Variants in KMT2C observed in about 807,000 individuals in gnomAD.
KMT2C encodes histone-lysine N-methyltransferase 2C.
In KMT2C, 88 loss-of-function variants were observed where a neutral mutation model predicts 507.9. The observed-to-expected ratio is 0.17, with a 90% CI of 0.15 to 0.21. The LOEUF (loss-of-function observed/expected upper bound fraction) is 0.21, where lower values mean the gene tolerates loss of function less well. Ranked by LOEUF, KMT2C falls within the 10% of genes least tolerant of loss-of-function variation. The pLI is 1.00. For missense variants in KMT2C, 4,954 were observed against 5,957.8 expected, an observed-to-expected ratio of 0.83 and a Z score of 5.55; for synonymous variants, 2,049 against 2,080.8, an observed-to-expected ratio of 0.98 and a Z score of 0.42.
At chr7:152,194,355 G>A (rs2129129378) in intron 29 of KMT2C, 85 bp downstream of exon 29, 4 of 1,438,716 alleles carry the variant, frequency 2.8e-6, no homozygotes, top group Middle Eastern at 1.8e-4. Flanking sequence ...ATAATTAGAA[G>A]TTAAATTATA....
chr7:152,182,778 G>C (rs968903356), intron 35 of KMT2C, among the ~76,000 whole-genome samples, 184 bp from the exon 36 acceptor site: 2 of 152,036 alleles, frequency 1.3e-5, no homozygotes, highest in African/African-American at 4.8e-5. Flanking sequence ...TTTGTGCCTA[G>C]GGCAGTATAT....
intron 1 of KMT2C, among the ~76,000 whole-genome samples, chr7:152,372,744 G>C (rs2097301753): frequency 6.6e-6 from 1 of 152,076 alleles, no homozygotes; most frequent in African/African-American, 2.4e-5. Context: ...ACTAAAGGGG[G>C]AAATAGCAAT....
intron 34 of KMT2C, 35 bp downstream of exon 34, chr7:152,185,523 A>C: frequency 1.3e-6 from 2 of 1,498,328 alleles, no homozygotes; most frequent in Non-Finnish European, 1.9e-6. Flanking sequence ...CACTGTATTT[A>C]AATATTTAAA....
chr7:152,374,267 G>C (rs1483275797), intron 1 of KMT2C, among the ~76,000 whole-genome samples: 1 of 151,926 alleles, frequency 6.6e-6, no homozygotes, highest in Non-Finnish European at 1.5e-5. Flanking sequence ...AGTGACCCGA[G>C]ATTGCACCAT....
intron 1 of KMT2C, among the ~76,000 whole-genome samples, chr7:152,392,694 A>C (rs2116559607): frequency 6.6e-6 from 1 of 152,366 alleles, no homozygotes; most frequent in South Asian, 2.1e-4. Flanking sequence ...CTGTACAATG[A>C]AGTGGTCTGG....
intron 55 of KMT2C, among the ~76,000 whole-genome samples, chr7:152,143,797 G>T (rs1037191957): frequency 5.3e-5 from 8 of 152,234 alleles, no homozygotes; most frequent in African/African-American, 1.9e-4. Flanking sequence ...AGGAGTAAAA[G>T]GGTTCCAACA....
chr7:152,395,361 C>A (rs563532219), intron 1 of KMT2C, among the ~76,000 whole-genome samples: 36 of 151,908 alleles, frequency 2.4e-4, no homozygotes, highest in Middle Eastern at 3.4e-3. Flanking sequence ...TCTTTCCCCC[C>A]CCCAGTTAGA....
At chr7:152,195,170 C>T (rs1056188784) in intron 28 of KMT2C, among the ~76,000 whole-genome samples, 4 of 152,068 alleles carry the variant, frequency 2.6e-5, no homozygotes, top group Non-Finnish European at 4.4e-5. Flanking sequence ...TTATCATCTA[C>T]ATTTTTTTCA....
At chr7:152,313,977 TTCAC>T (rs1470380706) in intron 4 of KMT2C, among the ~76,000 whole-genome samples, 1 of 152,148 alleles carries the variant, frequency 6.6e-6, no homozygotes, top group Non-Finnish European at 1.5e-5. Flanking sequence ...TACAGCCTGA[TTCAC>T]TCCATTAAAT....
intron 36 of KMT2C, among the ~76,000 whole-genome samples, 179 bp downstream of exon 36, chr7:152,180,532 C>G (rs1317621333): frequency 2.0e-5 from 3 of 152,114 alleles, no homozygotes; most frequent in South Asian, 2.1e-4. Context: ...AAATCAGATA[C>G]AGAATAAATT....
intron 21 of KMT2C, 34 bp downstream of exon 21, chr7:152,222,539 G>C (rs1419309862): frequency 9.1e-7 from 1 of 1,099,216 alleles, no homozygotes; most frequent in South Asian, 1.3e-5. Flanking sequence ...AGTGGTACAA[G>C]AGTGCAGACT....
Position 152,182,190 on chromosome 7 carries a change from T to C in KMT2C, c.5670A>G (p.Arg1890=). 6.2e-7 allele frequency: 1 copy of C among 1,613,982 alleles called. No individual in the cohort carries two copies. The highest frequency in any genetic ancestry group is 8.5e-7 in the Non-Finnish European group (1 of 1,180,002). The part of the protein sequence containing the change: ...QVFSPGSSNS[R]PPSPMDPYAK... ...CATATGGATCCATTGGAGATGGTGG[T>C]CGTGAGTTAGAGGACCCAGGTGAAA... Residue 1890 remains arginine, a synonymous_variant, in exon 36 of 59, where the codon CGA becomes CGG. Coordinates refer to ENST00000262189, the MANE Select transcript of KMT2C (RefSeq NM_170606.3).
intron 1 of KMT2C, among the ~76,000 whole-genome samples, chr7:152,394,090 G>A (rs1469681420): frequency 2.6e-5 from 4 of 152,220 alleles, no homozygotes; most frequent in Non-Finnish European, 5.9e-5. Flanking sequence ...AACATATGCA[G>A]AATTACTTCA....
At chr7:152,245,393 A>C (rs2129162146) in intron 14 of KMT2C, among the ~76,000 whole-genome samples, 1 of 152,344 alleles carries the variant, frequency 6.6e-6, no homozygotes, top group African/African-American at 2.4e-5. Flanking sequence ...TGATGTTTTA[A>C]GTATAAAGCA....
chr7:152,245,180 TTTC>T (rs2095450142), intron 14 of KMT2C, among the ~76,000 whole-genome samples: 1 of 152,214 alleles, frequency 6.6e-6, no homozygotes, highest in African/African-American at 2.4e-5. Context: ...AAAAAGAATA[TTTC>T]TACTTCAGTC....
chr7:152,305,209 A>G (rs898581937), intron 6 of KMT2C, among the ~76,000 whole-genome samples: 1 of 152,186 alleles, frequency 6.6e-6, no homozygotes, highest in Non-Finnish European at 1.5e-5. Flanking sequence ...GATGAACAAT[A>G]AGTAAGATTA....
intron 9 of KMT2C, among the ~76,000 whole-genome samples, chr7:152,259,663 G>C (rs1025153381): frequency 6.6e-6 from 1 of 152,066 alleles, no homozygotes; most frequent in African/African-American, 2.4e-5. Flanking sequence ...ACATTCTTGA[G>C]ATAAAAATAG....
chr7:152,249,672 C>CCA (rs2095531326), intron 13 of KMT2C, among the ~76,000 whole-genome samples: 1 of 75,976 alleles, frequency 1.3e-5, no homozygotes. Flanking sequence ...CCTCCCCCCT[C>CCA]CAAAAAAAAA....
intron 23 of KMT2C, among the ~76,000 whole-genome samples, chr7:152,218,384 G>C (rs776438648): frequency 5.3e-5 from 8 of 152,000 alleles, no homozygotes; most frequent in Non-Finnish European, 1.2e-4. Flanking sequence ...GGATGGTCTT[G>C]ATCGCCTGAC....
Sources: allele counts gnomAD v4.1 joint callset (sites outside exome capture counted in the v4.1 genomes callset), GRCh38; gene constraint gnomAD v4.1.1; transcripts MANE v1.5; gene names NCBI Gene and HGNC (gene_info 2026-07-23, HGNC 2026-07-21).